BICRA: variants seen among roughly 807,000 people sequenced by gnomAD.
BICRA encodes BRD4-interacting chromatin-remodeling complex-associated protein.
BICRA carries 31 observed loss-of-function variants against 96.9 expected under a neutral mutation model. That is an observed-to-expected ratio of 0.32 (90% CI 0.24 to 0.43). BICRA has a LOEUF of 0.43. Among genes scored for constraint, BICRA ranks in the 20% least tolerant of loss-of-function variants. The pLI, the probability that BICRA is intolerant of heterozygous loss-of-function variation, is 1.00. For synonymous variants in BICRA, 1,350 were observed against 1,071.8 expected (o/e 1.26, Z -5.07); for missense variants, 2,283 against 2,190.3 (o/e 1.04, Z -0.84).
At chr19:47,687,910 C>T (rs977874969) in intron 7 of BICRA, among the ~76,000 whole-genome samples, 9 of 151,600 alleles carry the variant, frequency 5.9e-5, no homozygotes, top group African/African-American at 1.5e-4. Context: ...AATTGCCAGA[C>T]GTAGATGATA....
At position 47,682,140 on chromosome 19, in the gene BICRA, T is replaced by A; in HGVS notation, c.2271T>A (p.Ala757=). 1 of 1,462,266 alleles carries A rather than the reference T, an allele frequency of 6.8e-7. No homozygotes were observed. Among genetic ancestry groups the A allele is most frequent in the Admixed American group, 2.0e-5 (1 of 50,244 alleles). The allele number at this position is 1,462,266 out of a possible 1,614,324, so 90.6% of individuals were successfully genotyped here. A position where few individuals can be genotyped will look rare whatever the true frequency, so the allele number is the denominator to read the frequency against. Reference sequence around the variant, plus strand: ...CCCCCGACAGCCAGGCTTCCCCGGCTCCGGCCCCCCAGGTAGAGGGACCCC... The same window carrying A: ...CCCCCGACAGCCAGGCTTCCCCGGCACCGGCCCCCCAGGTAGAGGGACCCC... The part of the protein sequence containing the change: ...PQAPDSQASP[A]PAPQIPAAAP... Residue 757 remains alanine (A), a synonymous_variant, in exon 7 of 15, where the codon GCT becomes GCA. Coordinates refer to ENST00000594866, the MANE Select transcript of BICRA (RefSeq NM_001394372.1).
At chr19:47,608,495 C>T (rs758861100), upstream of BICRA, 4 of 152,254 alleles carry the variant, frequency 2.6e-5, no homozygotes, top group Non-Finnish European at 5.9e-5. Context: ...GGACGACCGT[C>T]CTCCGCCTCA....
intron 11 of BICRA, among the ~76,000 whole-genome samples, chr19:47,696,832 G>A (rs1444416654): frequency 1.3e-5 from 2 of 152,136 alleles, no homozygotes; most frequent in South Asian, 4.2e-4. Flanking sequence ...AGCCCCACTG[G>A]GTGGGTGAAG....
intron 5 of BICRA, among the ~76,000 whole-genome samples, chr19:47,677,569 G>A (rs56362162): frequency 0.028 from 4,318 of 152,264 alleles, 138 homozygotes; most frequent in Non-Finnish European, 0.037. Flanking sequence ...GGTGGCACAC[G>A]CCTGTAATCC....
Position 47,695,611 on chromosome 19 carries a change from C to T in BICRA, c.3186+137C>T, listed in dbSNP as rs562617678. On this transcript the variant is annotated intron_variant, in intron 10 of 14. Coordinates refer to ENST00000594866, the MANE Select transcript of BICRA (RefSeq NM_001394372.1). Reference sequence around the variant, plus strand: ...GGACCATCAGGCAGCTGAGACACCACGAACAGCCGTGCAGGGACAGGAAGG... The same window carrying T: ...GGACCATCAGGCAGCTGAGACACCATGAACAGCCGTGCAGGGACAGGAAGG... The T allele has an allele frequency of 2.8e-5, 17 of 613,536 alleles. No individual in the cohort carries two copies. In the Middle Eastern group the frequency reaches 1.0e-3, roughly 38 times the overall value. 38.0% of individuals were successfully genotyped at this position (613,536 alleles called of 1,614,324 possible).
intron 1 of BICRA, among the ~76,000 whole-genome samples, chr19:47,610,567 C>T (rs906788864): frequency 6.6e-6 from 1 of 151,478 alleles, no homozygotes; most frequent in Non-Finnish European, 1.5e-5. Flanking sequence ...GGGCTGCAGT[C>T]TGTGCCCAGG....
chr19:47,680,715 C>T lies in BICRA; in HGVS notation c.1545C>T (p.Leu515=), dbSNP rs944997438. 6 of 1,602,486 alleles carry T rather than the reference C, an allele frequency of 3.7e-6. No homozygotes were observed. In the African/African-American group the frequency reaches 8.0e-5, roughly 21 times the overall value. ...TGGQLIANPI[L]TNQNLAGPLS... ...GACAGCTCATCGCGAACCCCATCCT[C>T]ACAAACCAGAACCTGGCGGGCCCAC... Residue 515 remains leucine, a synonymous_variant, in exon 6 of 15, where the codon CTC becomes CTT. Coordinates refer to ENST00000594866, the MANE Select transcript of BICRA (RefSeq NM_001394372.1).
chr19:47,681,395 A>G (rs75402413), intron 6 of BICRA, 119 bp downstream of exon 6: 2 of 891,506 alleles, frequency 2.2e-6, no homozygotes, highest in East Asian at 2.7e-5. Flanking sequence ...TGGGGGGGGA[A>G]GGTCTCAGTC....
In BICRA at chr19:47,698,240, C is replaced by G. The variant is rs1973378429; in HGVS notation, c.3249-394C>G. On this transcript the variant is annotated intron_variant, in intron 11 of 14. Transcript: ENST00000594866. The surrounding 1 kb of genome is among the most constrained non-coding windows in gnomAD (Gnocchi z 4.8). ...AGAAGACAGGATCCAGCCTCCCTCC[C>G]TTCTTCCCGAAGGCTGCACTTTGGA... 6.6e-6 allele frequency among the ~76,000 whole-genome samples: 1 copy of G among 152,160 alleles called. No individual in the cohort carries two copies. Among genetic ancestry groups the G allele is most frequent in the Non-Finnish European group, 1.5e-5 (1 of 68,034 alleles).
At chr19:47,690,168 A>G (rs1274567484) in intron 7 of BICRA, among the ~76,000 whole-genome samples, 1 of 151,834 alleles carries the variant, frequency 6.6e-6, no homozygotes, top group African/African-American at 2.4e-5. Flanking sequence ...TGCCCAGCTA[A>G]TTTTTGTATT....
intron 1 of BICRA, among the ~76,000 whole-genome samples, chr19:47,646,436 CAG>C (rs1376125031): frequency 1.4e-5 from 1 of 70,172 alleles, no homozygotes; most frequent in African/African-American, 7.7e-5. Context: ...CACATGCACA[CAG>C]ACACACGTGT....
chr19:47,614,261 A>G lies in BICRA; in HGVS notation c.-108+5093A>G, dbSNP rs188709749. 1.3e-3 allele frequency among the ~76,000 whole-genome samples: 204 copies of G among 152,292 alleles called. 2 individuals are homozygous for G. The East Asian group carries it at 0.032, about 24-fold the overall frequency. On this transcript the variant is annotated intron_variant, in intron 1 of 14. Transcript: ENST00000594866. ...CCCTGGTCCCCTAGCTCTCTTCCCC[A>G]GAGACAGCACCTCCATTCTGATGTT...
At chr19:47,643,894 C>T (rs1050628236) in intron 1 of BICRA, among the ~76,000 whole-genome samples, 8 of 152,076 alleles carry the variant, frequency 5.3e-5, no homozygotes, top group East Asian at 1.9e-4. Flanking sequence ...AATTCTGTTC[C>T]GATGTCCATT....
intron 1 of BICRA, among the ~76,000 whole-genome samples, chr19:47,612,413 C>G (rs1455888714): frequency 7.4e-6 from 1 of 135,492 alleles, no homozygotes; most frequent in East Asian, 2.1e-4. Flanking sequence ...GACCCTGTCT[C>G]AAAAAAAAAA....
chr19:47,621,466 C>CT lies in BICRA; in HGVS notation c.-108+12316dup, dbSNP rs751401159. Among the ~76,000 whole-genome samples the CT allele has an allele frequency of 4.9e-3, 657 of 135,004 alleles. 4 individuals carry two copies. The highest frequency in any genetic ancestry group is 0.029 in the East Asian group (136 of 4,698). The allele number at this position is 135,004 out of a possible 152,430, so 88.6% of individuals were successfully genotyped here. A position where few individuals can be genotyped will look rare whatever the true frequency, so the allele number is the denominator to read the frequency against. ...GCTTTTGTATTTAAAATTTTTTAGT[C>CT]TTTTTTTTTTTTTTTTTTAAATGCG... On this transcript the variant is annotated intron_variant, in intron 1 of 14. Coordinates refer to ENST00000594866, the MANE Select transcript of BICRA (RefSeq NM_001394372.1).
chr19:47,652,622 G>A (rs1455203593), intron 1 of BICRA, among the ~76,000 whole-genome samples: 1 of 152,130 alleles, frequency 6.6e-6, no homozygotes, highest in Admixed American at 6.6e-5. Flanking sequence ...TAGCTTGTGT[G>A]CATTCGGCTG....
At position 47,679,748 on chromosome 19, in the gene BICRA, G is replaced by A; in HGVS notation, c.578G>A (p.Ser193Asn). ...CAGGACGTGGTCAACAAGGCCCTGA[G>A]TGTGCAGCCCTTCCTGCAGCCTGTG... ...PPQDVVNKAL[S>N]VQPFLQPVGL... The change falls in exon 6 of 15, where the codon AGT becomes AAT. Residue 193 changes from serine (S) to asparagine (N), a missense_variant. Ser to Asn is a conservative substitution (Grantham distance 46). Transcript: ENST00000594866. 6.5e-7 allele frequency: 1 copy of A among 1,533,422 alleles called. No homozygotes were observed. The highest frequency in any genetic ancestry group is 8.8e-7 in the Non-Finnish European group (1 of 1,140,900). 95.0% of individuals were successfully genotyped at this position (1,533,422 alleles called of 1,614,324 possible). A position where few individuals can be genotyped will look rare whatever the true frequency, so the allele number is the denominator to read the frequency against.
Position 47,680,462 on chromosome 19 carries a change from C to G in BICRA, c.1292C>G (p.Thr431Ser). The change falls in exon 6 of 15, where the codon ACC becomes AGC. Residue 431 changes from threonine (T) to serine (S), a missense_variant. Transcript: ENST00000594866. ...ANVFKQPPAT[T>S]TGAAPPQPPG... ...GTCTTCAAGCAGCCACCGGCCACCA[C>G]CACCGGAGCGGCCCCGCCGCAGCCC... 6.5e-7 allele frequency: 1 copy of G among 1,540,332 alleles called. No homozygotes were observed. The highest frequency in any genetic ancestry group is 8.7e-7 in the Non-Finnish European group (1 of 1,145,962).
chr19:47,671,803 GCTA>G (rs1424644234), intron 2 of BICRA, among the ~76,000 whole-genome samples: 1 of 147,856 alleles, frequency 6.8e-6, no homozygotes, highest in Non-Finnish European at 1.5e-5. Context: ...GGGATGGGTA[GCTA>G]GATGGATGGA....
Sources: allele counts gnomAD v4.1 joint callset (sites outside exome capture counted in the v4.1 genomes callset), GRCh38; gene constraint gnomAD v4.1.1; non-coding constraint Gnocchi (gnomAD v3.1); transcripts MANE v1.5; gene names NCBI Gene and HGNC (gene_info 2026-07-23, HGNC 2026-07-21).